GFRA1: variants seen among roughly 807,000 people sequenced by gnomAD.
GFRA1 encodes the protein GDNF family receptor alpha 1, also known as GDNF family receptor alpha-1.
Under a neutral mutation model 51.6 loss-of-function variants are expected in GFRA1, and 16 were observed. That is an observed-to-expected ratio of 0.31 (90% confidence interval 0.21 to 0.47). The LOEUF (loss-of-function observed/expected upper bound fraction) is 0.47. Among genes scored for constraint, GFRA1 ranks in the 20% least tolerant of loss-of-function variants. GFRA1 has a pLI of 1.00. For missense variants in GFRA1, 530 were observed against 594.3 expected, an observed-to-expected ratio of 0.89 and a Z score of 1.13; for synonymous variants, 270 against 241.3, an observed-to-expected ratio of 1.12 and a Z score of -1.10.
At chr10:116,074,096 T>A (rs1955517645) in intron 9 of GFRA1, among the ~76,000 whole-genome samples, 1 of 152,208 alleles carries the variant, frequency 6.6e-6, no homozygotes, top group Admixed American at 6.5e-5. Context: ...CCGATGATGA[T>A]CCCATCTGCC....
chr10:116,142,505 G>C (rs1021131703), intron 5 of GFRA1, among the ~76,000 whole-genome samples: 27 of 152,292 alleles, frequency 1.8e-4, no homozygotes, highest in African/African-American at 6.5e-4. Flanking sequence ...GCAAATTTCA[G>C]CGTTTCGGTT....
chr10:116,255,800 C>G, intron 4 of GFRA1: 9 of 1,244,558 alleles, frequency 7.2e-6, no homozygotes, highest in Admixed American at 2.3e-5. Flanking sequence ...TAGCACATTC[C>G]CTGGCACACA....
At chr10:116,206,079 GCA>G (rs967718895) in intron 5 of GFRA1, among the ~76,000 whole-genome samples, 1 of 152,042 alleles carries the variant, frequency 6.6e-6, no homozygotes, top group African/African-American at 2.4e-5. Flanking sequence ...TGAAACATTT[GCA>G]CAGAGGAGTG....
At chr10:116,068,826 G>A (rs986340941) in intron 9 of GFRA1, among the ~76,000 whole-genome samples, 7 of 149,376 alleles carry the variant, frequency 4.7e-5, no homozygotes, top group African/African-American at 1.3e-4. Flanking sequence ...ATTGCAGGGC[G>A]TCTCCCGCTT....
intron 4 of GFRA1, among the ~76,000 whole-genome samples, chr10:116,247,225 C>T (rs1003875189): frequency 1.3e-5 from 2 of 152,128 alleles, no homozygotes; most frequent in Admixed American, 6.5e-5. Context: ...CTCCTTCTCT[C>T]ACTCCATGTC....
chr10:116,252,050 C>A (rs369201219), intron 4 of GFRA1, among the ~76,000 whole-genome samples: 1 of 127,834 alleles, frequency 7.8e-6, no homozygotes, highest in African/African-American at 2.9e-5. Flanking sequence ...TTCCAAACAA[C>A]ATTTGACTTT....
At chr10:116,096,882 CA>C (rs1353841381) in intron 6 of GFRA1, 118 bp from the exon 7 acceptor site, 183 of 298,452 alleles carry the variant, frequency 6.1e-4, no homozygotes, top group Middle Eastern at 2.5e-3. Context: ...CACGCACACG[CA>C]CACACACACA....
chr10:116,268,657 C>T (rs1268436494), intron 4 of GFRA1, among the ~76,000 whole-genome samples: 4 of 152,140 alleles, frequency 2.6e-5, no homozygotes, highest in African/African-American at 9.7e-5. Context: ...TCAAATTCAA[C>T]ATTACCCATC....
At chr10:116,208,333 A>G (rs764288992) in intron 5 of GFRA1, among the ~76,000 whole-genome samples, 52 of 152,096 alleles carry the variant, frequency 3.4e-4, no homozygotes, top group Non-Finnish European at 6.8e-4. Context: ...AAACTTGACT[A>G]CAGAATGCCC....
At chr10:116,149,690 T>C (rs1458812030) in intron 5 of GFRA1, among the ~76,000 whole-genome samples, 1 of 152,206 alleles carries the variant, frequency 6.6e-6, no homozygotes, top group African/African-American at 2.4e-5. Flanking sequence ...AATGATTTAA[T>C]TGAGGACATC....
chr10:116,099,309 GTGT>G (rs1956726394), intron 6 of GFRA1, among the ~76,000 whole-genome samples: 1 of 152,182 alleles, frequency 6.6e-6, no homozygotes, highest in Non-Finnish European at 1.5e-5. Context: ...TCAGGGCTTT[GTGT>G]TGTTCTTGGA....
At chr10:116,096,311 C>T (rs1956570249) in intron 7 of GFRA1, among the ~76,000 whole-genome samples, 1 of 152,066 alleles carries the variant, frequency 6.6e-6, no homozygotes, top group South Asian at 2.1e-4. Context: ...CTTTGTTTGA[C>T]TCGCTTTCTT....
At chr10:116,219,361 T>G (rs553764639) in intron 4 of GFRA1, among the ~76,000 whole-genome samples, 1 of 152,368 alleles carries the variant, frequency 6.6e-6, no homozygotes, top group East Asian at 1.9e-4. Context: ...CAGCTCACAG[T>G]GTATTTTATA....
At chr10:116,188,617 T>C (rs1345334920) in intron 5 of GFRA1, among the ~76,000 whole-genome samples, 1 of 152,118 alleles carries the variant, frequency 6.6e-6, no homozygotes, top group Non-Finnish European at 1.5e-5. Flanking sequence ...AAATGGTCAA[T>C]GTTGGGCCGG....
At chr10:116,113,014 G>T (rs1957272579) in intron 6 of GFRA1, among the ~76,000 whole-genome samples, 1 of 152,194 alleles carries the variant, frequency 6.6e-6, no homozygotes, top group African/African-American at 2.4e-5. Flanking sequence ...TCAAAGCGAG[G>T]TCTAGGGATC....
intron 6 of GFRA1, among the ~76,000 whole-genome samples, chr10:116,121,896 AGAAGGGAT>A (rs1287060184): frequency 2.0e-5 from 3 of 152,146 alleles, no homozygotes; most frequent in Non-Finnish European, 2.9e-5. Flanking sequence ...AGATGGATTG[AGAAGGGAT>A]GGGATAAAAG....
intron 5 of GFRA1, among the ~76,000 whole-genome samples, chr10:116,175,616 C>T (rs1167379805): frequency 6.6e-6 from 1 of 152,222 alleles, no homozygotes; most frequent in South Asian, 2.1e-4. Context: ...GTAGCCAGCC[C>T]AGACCTCTAC....
intron 5 of GFRA1, among the ~76,000 whole-genome samples, chr10:116,190,073 T>G (rs1333056378): frequency 1.3e-5 from 2 of 152,152 alleles, no homozygotes; most frequent in African/African-American, 4.8e-5. Flanking sequence ...GGGGAATGCT[T>G]CATGAGCCAA....
At chr10:116,135,281 T>C (rs1311995418) in intron 5 of GFRA1, among the ~76,000 whole-genome samples, 1 of 152,194 alleles carries the variant, frequency 6.6e-6, no homozygotes, top group African/African-American at 2.4e-5. Context: ...TCAACCTAAT[T>C]ATAATTACGG....
Sources: allele counts gnomAD v4.1 joint callset (sites outside exome capture counted in the v4.1 genomes callset), GRCh38; gene constraint gnomAD v4.1.1; transcripts MANE v1.5; gene names NCBI Gene and HGNC (gene_info 2026-07-23, HGNC 2026-07-21).